LRFN5: variants seen among roughly 807,000 people sequenced by gnomAD.
The protein encoded by LRFN5 is leucine rich repeat and fibronectin type III domain containing 5, also known as leucine-rich repeat and fibronectin type-III domain-containing protein 5.
LRFN5 carries 24 observed loss-of-function variants against 45.6 expected under a neutral mutation model. That is an observed-to-expected ratio of 0.53 (90% CI 0.38 to 0.74). The LOEUF (loss-of-function observed/expected upper bound fraction) is 0.74. Among genes scored for constraint, LRFN5 ranks in the 30% least tolerant of loss-of-function variants. The pLI is 0.00. For synonymous variants in LRFN5, 340 were observed against 313.8 expected (o/e 1.08, Z -0.88); for missense variants, 776 against 861.5 (o/e 0.90, Z 1.24).
intron 1 of LRFN5, among the ~76,000 whole-genome samples, chr14:41,710,736 A>C (rs1883248067): frequency 6.6e-6 from 1 of 152,128 alleles, no homozygotes; most frequent in Admixed American, 6.6e-5. Context: ...CGTCATTTAC[A>C]TTAGGTATAT....
intron 1 of LRFN5, among the ~76,000 whole-genome samples, chr14:41,652,811 A>G (rs897108598): frequency 1.3e-5 from 2 of 152,038 alleles, no homozygotes; most frequent in Non-Finnish European, 2.9e-5. Context: ...TCTCCACAAC[A>G]TCACCAGCAT....
chr14:41,610,683 A>AAAAAAAAAAAAAAAAAAAAAAAAAT (rs1887720009), intron 1 of LRFN5, among the ~76,000 whole-genome samples: 1 of 144,732 alleles, frequency 6.9e-6, no homozygotes, highest in Non-Finnish European at 1.5e-5. Context: ...AAAAAAAAAA[A>AAAAAAAAAAAAAAAAAAAAAAAAAT]GTGTATTGCC....
intron 2 of LRFN5, among the ~76,000 whole-genome samples, chr14:41,876,309 G>A (rs1244312222): frequency 8.1e-6 from 1 of 123,312 alleles, no homozygotes; most frequent in African/African-American, 3.0e-5. Context: ...GAGACGGAGT[G>A]TCGCTCTGTC....
intron 2 of LRFN5, among the ~76,000 whole-genome samples, chr14:41,782,285 CTTG>C (rs1480175752): frequency 6.6e-6 from 1 of 151,810 alleles, no homozygotes; most frequent in African/African-American, 2.4e-5. Context: ...ATTTCTCAAA[CTTG>C]TTAAGTCTTT....
rs1051239966 is a variant in LRFN5, at chr14:41,867,817, C to G, written c.-20-18789C>G. Among the ~76,000 whole-genome samples, 10 of 152,160 alleles carry G rather than the reference C, an allele frequency of 6.6e-5. 1 individual carries two copies. In the Middle Eastern group the frequency reaches 0.014, roughly 207 times the overall value. On this transcript the variant is annotated intron_variant, in intron 2 of 5. Coordinates refer to ENST00000298119, the MANE Select transcript of LRFN5 (RefSeq NM_152447.5). Reference sequence around the variant, plus strand: ...TTCTCACTTCCTTGCTGGCTTCCCTCATATCCTCCCTCTTTGTCTTATGCT... The same window carrying G: ...TTCTCACTTCCTTGCTGGCTTCCCTGATATCCTCCCTCTTTGTCTTATGCT...
intron 1 of LRFN5, among the ~76,000 whole-genome samples, chr14:41,749,646 A>G (rs1247609996): frequency 6.6e-6 from 1 of 152,128 alleles, no homozygotes; most frequent in Non-Finnish European, 1.5e-5. Flanking sequence ...GAAGGAAACA[A>G]TAGACGCTGG....
intron 2 of LRFN5, among the ~76,000 whole-genome samples, chr14:41,775,191 C>T (rs933484886): frequency 1.3e-5 from 2 of 150,216 alleles, no homozygotes; most frequent in African/African-American, 2.5e-5. Context: ...CCCGGGTTCA[C>T]GCCATTCTCC....
intron 4 of LRFN5, chr14:41,893,227 T>G: frequency 1.0e-6 from 1 of 964,404 alleles, no homozygotes; most frequent in Non-Finnish European, 1.2e-6. Flanking sequence ...TTAAATTTAG[T>G]AGAAACTAAT....
chr14:41,721,025 A>G (rs1271439274), intron 1 of LRFN5, among the ~76,000 whole-genome samples: 1 of 152,046 alleles, frequency 6.6e-6, no homozygotes, highest in East Asian at 1.9e-4. Flanking sequence ...AAGTCTTTTC[A>G]TAGGTCTAGA....
intron 1 of LRFN5, among the ~76,000 whole-genome samples, chr14:41,683,610 T>C (rs1012622813): frequency 2.6e-5 from 4 of 151,956 alleles, no homozygotes; most frequent in Admixed American, 2.0e-4. Flanking sequence ...AGTTTCAGGA[T>C]ACAAAATCAT....
intron 2 of LRFN5, among the ~76,000 whole-genome samples, chr14:41,884,037 A>G (rs1890479907): frequency 6.6e-6 from 1 of 152,108 alleles, no homozygotes; most frequent in South Asian, 2.1e-4. Flanking sequence ...ATAGTTTACC[A>G]GAGCTCTTTT....
intron 1 of LRFN5, among the ~76,000 whole-genome samples, chr14:41,755,812 T>A (rs1420940703): frequency 6.6e-6 from 1 of 152,196 alleles, no homozygotes; most frequent in African/African-American, 2.4e-5. Flanking sequence ...GTCATTATGA[T>A]GTTAGCTGGT....
chr14:41,659,892 G>GTT lies in LRFN5; in HGVS notation c.-197+51344_-197+51345dup, dbSNP rs11352345. On this transcript the variant is annotated intron_variant, in intron 1 of 5. Transcript: ENST00000298119. ...TCATGTCCTTCACCCACTTTTTGAT[G>GTT]TTTTTTTTTTTTTTTGTAAATTTGC... 3.5e-3 allele frequency among the ~76,000 whole-genome samples: 434 copies of GTT among 123,898 alleles called. 4 individuals are homozygous for GTT. Among genetic ancestry groups the GTT allele is most frequent in the Non-Finnish European group, 5.8e-3 (333 of 56,996 alleles). 81.3% of individuals were successfully genotyped at this position (123,898 alleles called of 152,430 possible).
intron 2 of LRFN5, among the ~76,000 whole-genome samples, chr14:41,841,933 T>G (rs1888874178): frequency 6.6e-6 from 1 of 151,986 alleles, no homozygotes. Context: ...CTAATTACTC[T>G]ATTATAATTT....
chr14:41,650,287 C>T (rs191722188), intron 1 of LRFN5, among the ~76,000 whole-genome samples: 1 of 93,646 alleles, frequency 1.1e-5, no homozygotes, highest in Admixed American at 1.0e-4. Context: ...AAGATACTTG[C>T]AACACAGATG....
chr14:41,664,792 T>C (rs982764308), intron 1 of LRFN5, among the ~76,000 whole-genome samples: 1 of 152,106 alleles, frequency 6.6e-6, no homozygotes, highest in East Asian at 1.9e-4. Flanking sequence ...GAGAGTTCTT[T>C]AAAAATTCTT....
intron 2 of LRFN5, among the ~76,000 whole-genome samples, chr14:41,820,842 A>G (rs1030552281): frequency 5.3e-5 from 8 of 151,980 alleles, no homozygotes; most frequent in Non-Finnish European, 8.8e-5. Context: ...TCCTGGGTTA[A>G]ATATATCCTG....
At chr14:41,835,371 C>A (rs1888625716) in intron 2 of LRFN5, among the ~76,000 whole-genome samples, 1 of 152,148 alleles carries the variant, frequency 6.6e-6, no homozygotes, top group African/African-American at 2.4e-5. Context: ...CAAAATTGTG[C>A]AGTAAACAAG....
At chr14:41,825,693 G>C (rs1213960799) in intron 2 of LRFN5, among the ~76,000 whole-genome samples, 1 of 152,148 alleles carries the variant, frequency 6.6e-6, no homozygotes, top group African/African-American at 2.4e-5. Flanking sequence ...GCATGACAGT[G>C]GTCCATAATG....
Sources: allele counts gnomAD v4.1 joint callset (sites outside exome capture counted in the v4.1 genomes callset), GRCh38; gene constraint gnomAD v4.1.1; transcripts MANE v1.5; gene names NCBI Gene and HGNC (gene_info 2026-07-23, HGNC 2026-07-21).